The following DLG2 variants were observed in gnomAD, a reference collection of about 807,000 sequenced individuals.
The protein encoded by DLG2 is discs large MAGUK scaffold protein 2, also known as disks large homolog 2.
DLG2 carries 45 observed loss-of-function variants against 132.5 expected under a neutral mutation model. That is an observed-to-expected ratio of 0.34 (90% CI 0.27 to 0.44). The LOEUF (loss-of-function observed/expected upper bound fraction) is 0.44, where lower values mean the gene tolerates loss of function less well. DLG2 is among the 20% of genes least tolerant of loss of function. The pLI is 1.00. For missense variants in DLG2, 1,045 were observed against 1,196.9 expected, an observed-to-expected ratio of 0.87 and a Z score of 1.87; for synonymous variants, 424 against 419.6, an observed-to-expected ratio of 1.01 and a Z score of -0.13.
intron 19 of DLG2, among the ~76,000 whole-genome samples, chr11:83,613,223 G>A (rs1490358747): frequency 1.3e-5 from 2 of 152,186 alleles, no homozygotes; most frequent in Non-Finnish European, 2.9e-5. Context: ...CGGGAAGACT[G>A]GAGCAGTAAG....
chr11:83,870,937 C>T (rs2154063683), intron 16 of DLG2, among the ~76,000 whole-genome samples: 1 of 152,260 alleles, frequency 6.6e-6, no homozygotes, highest in Admixed American at 6.5e-5. Flanking sequence ...TAATAGAATG[C>T]AATGTAAAAG....
intron 19 of DLG2, among the ~76,000 whole-genome samples, chr11:83,575,706 G>A (rs35578754): frequency 0.044 from 6,657 of 152,204 alleles, 179 homozygotes; most frequent in South Asian, 0.11. Context: ...TGCTTCAGTA[G>A]TAAAACATAA....
intron 21 of DLG2, among the ~76,000 whole-genome samples, chr11:83,509,058 T>C (rs2094879701): frequency 6.6e-6 from 1 of 152,220 alleles, no homozygotes; most frequent in Admixed American, 6.5e-5. Context: ...AGTCACGTGA[T>C]GTTACGGGGT....
chr11:85,482,821 C>G (rs1350926404), intron 3 of DLG2, among the ~76,000 whole-genome samples: 1 of 152,180 alleles, frequency 6.6e-6, no homozygotes, highest in African/African-American at 2.4e-5. Context: ...TTCCAGCAGA[C>G]CCATGGTCCA....
intron 18 of DLG2, among the ~76,000 whole-genome samples, chr11:83,724,474 T>TGAGAGAGAGAGAGAGA (rs780541498): frequency 3.5e-4 from 36 of 103,502 alleles, no homozygotes; most frequent in South Asian, 1.5e-3. Flanking sequence ...TGTGTGTGTG[T>TGAGAGAGAGAGAGAGA]GTGAGAGAGA....
chr11:84,492,047 T>TA (rs1328343258), intron 7 of DLG2, among the ~76,000 whole-genome samples: 5 of 152,112 alleles, frequency 3.3e-5, no homozygotes, highest in Non-Finnish European at 7.4e-5. Flanking sequence ...AAACATGAGG[T>TA]AAAAAATTAT....
intron 16 of DLG2, among the ~76,000 whole-genome samples, chr11:83,864,009 A>G (rs1199449541): frequency 1.3e-5 from 2 of 152,198 alleles, no homozygotes; most frequent in Non-Finnish European, 2.9e-5. Flanking sequence ...CTCCTTTGCA[A>G]AACTGAATAG....
At chr11:83,592,244 A>G (rs1451947505) in intron 19 of DLG2, among the ~76,000 whole-genome samples, 1 of 151,386 alleles carries the variant, frequency 6.6e-6, no homozygotes, top group South Asian at 2.1e-4. Context: ...TTCAAACTAT[A>G]CTACAAGGCT....
intron 9 of DLG2, among the ~76,000 whole-genome samples, chr11:84,118,942 T>A (rs1278803878): frequency 6.6e-6 from 1 of 152,158 alleles, no homozygotes. Flanking sequence ...CCACTTTCAA[T>A]CCTTTGTGAA....
intron 9 of DLG2, among the ~76,000 whole-genome samples, chr11:84,105,504 A>C (rs950721426): frequency 6.6e-6 from 1 of 152,172 alleles, no homozygotes; most frequent in Non-Finnish European, 1.5e-5. Flanking sequence ...TGAGGACAGT[A>C]AGGGAGAACA....
chr11:85,206,001 TC>T (rs2081862215), intron 4 of DLG2, among the ~76,000 whole-genome samples: 1 of 152,142 alleles, frequency 6.6e-6, no homozygotes. Context: ...GGAATTGTAA[TC>T]CCCAGTGTTG....
At chr11:83,654,811 ATAAT>A in intron 18 of DLG2, among the ~76,000 whole-genome samples, 1 of 152,246 alleles carries the variant, frequency 6.6e-6, no homozygotes, top group East Asian at 1.9e-4. Flanking sequence ...CATGCTAGTA[ATAAT>A]TAACATATTC....
intron 6 of DLG2, among the ~76,000 whole-genome samples, chr11:84,710,439 A>G (rs1022615496): frequency 7.9e-5 from 12 of 152,024 alleles, no homozygotes; most frequent in African/African-American, 2.9e-4. Flanking sequence ...TACTTGAGAC[A>G]TGGCTCCAAG....
intron 7 of DLG2, among the ~76,000 whole-genome samples, chr11:84,357,472 C>T (rs1388473474): frequency 6.6e-6 from 1 of 151,960 alleles, no homozygotes. Flanking sequence ...TTCATAGAAC[C>T]TATCACAGTT....
intron 6 of DLG2, among the ~76,000 whole-genome samples, chr11:84,749,848 C>T (rs921727512): frequency 2.0e-5 from 3 of 152,148 alleles, no homozygotes; most frequent in African/African-American, 4.8e-5. Context: ...ACTATAGTAG[C>T]ATGTCCTGAA....
chr11:83,497,624 T>A (rs2094220923), intron 21 of DLG2, among the ~76,000 whole-genome samples: 1 of 152,178 alleles, frequency 6.6e-6, no homozygotes, highest in African/African-American at 2.4e-5. Flanking sequence ...GATTTGTCTT[T>A]TTTTCATGAA....
intron 3 of DLG2, among the ~76,000 whole-genome samples, chr11:85,381,120 T>C (rs879444082): frequency 1.3e-5 from 2 of 152,340 alleles, no homozygotes; most frequent in Non-Finnish European, 1.5e-5. Flanking sequence ...TCAGGAGTGC[T>C]AGCGACTGTA....
chr11:84,156,991 A>G (rs2095441031), intron 9 of DLG2, among the ~76,000 whole-genome samples: 1 of 152,174 alleles, frequency 6.6e-6, no homozygotes, highest in Non-Finnish European at 1.5e-5. Context: ...AGGATCTGTT[A>G]CTTCAAATAA....
chr11:84,252,809 C>A (rs971792154), intron 7 of DLG2, among the ~76,000 whole-genome samples: 1 of 152,264 alleles, frequency 6.6e-6, no homozygotes, highest in Non-Finnish European at 1.5e-5. Context: ...AGATAAAGGA[C>A]ATACTTTCAT....
Sources: gnomAD v4.1 joint callset for allele counts (sites outside exome capture counted in the v4.1 genomes callset) on GRCh38, gnomAD v4.1.1 for gene constraint, MANE v1.5 for transcripts, NCBI Gene and HGNC (gene_info 2026-07-23, HGNC 2026-07-21) for gene names.